KCNIP4: variants seen among roughly 807,000 people sequenced by gnomAD.
KCNIP4 encodes the protein Kv channel-interacting protein 4.
A neutral mutation model predicts 34.0 loss-of-function variants in KCNIP4; 12 were observed. The ratio of observed to expected loss-of-function variants is 0.35; its 90% CI spans 0.23 to 0.57. KCNIP4 has a LOEUF of 0.57. Among genes scored for constraint, KCNIP4 ranks in the 20% least tolerant of loss-of-function variants. KCNIP4 has a pLI of 0.83. For synonymous variants in KCNIP4, 124 were observed against 102.2 expected, an observed-to-expected ratio of 1.21 and a Z score of -1.29; for missense variants, 238 against 311.7, an observed-to-expected ratio of 0.76 and a Z score of 1.78.
At chr4:20,858,093 C>G (rs1419788699) in intron 2 of KCNIP4, among the ~76,000 whole-genome samples, 1 of 151,464 alleles carries the variant, frequency 6.6e-6, no homozygotes, top group East Asian at 1.9e-4. Flanking sequence ...TGCCTGTAAT[C>G]CCAGCTACTC....
intron 1 of KCNIP4, among the ~76,000 whole-genome samples, chr4:20,972,493 A>G (rs1399435525): frequency 6.6e-6 from 1 of 152,124 alleles, no homozygotes; most frequent in Non-Finnish European, 1.5e-5. Context: ...GTGCATTGTC[A>G]CTGAGAACTA....
At chr4:21,730,537 G>T (rs921016453) in intron 1 of KCNIP4, among the ~76,000 whole-genome samples, 16 of 152,062 alleles carry the variant, frequency 1.1e-4, no homozygotes, top group Non-Finnish European at 1.8e-4. Flanking sequence ...TATATATTGG[G>T]GGTGAGGTCT....
chr4:21,918,671 T>C (rs2108992501), intron 1 of KCNIP4, among the ~76,000 whole-genome samples: 1 of 152,242 alleles, frequency 6.6e-6, no homozygotes, highest in East Asian at 1.9e-4. Context: ...GCGTTTTATT[T>C]GAAACAAATT....
At chr4:21,393,995 C>A (rs560429481) in intron 1 of KCNIP4, among the ~76,000 whole-genome samples, 1 of 152,262 alleles carries the variant, frequency 6.6e-6, no homozygotes, top group East Asian at 1.9e-4. Flanking sequence ...GGTTCAATCC[C>A]TACTTGCCTA....
chr4:21,503,893 C>T (rs1037459107), intron 1 of KCNIP4, among the ~76,000 whole-genome samples: 1 of 152,162 alleles, frequency 6.6e-6, no homozygotes, highest in Non-Finnish European at 1.5e-5. Flanking sequence ...CAGCTTTCAG[C>T]TTTTGATTTC....
intron 1 of KCNIP4, among the ~76,000 whole-genome samples, chr4:21,702,073 T>C (rs947948690): frequency 6.6e-6 from 1 of 152,112 alleles, no homozygotes; most frequent in Non-Finnish European, 1.5e-5. Flanking sequence ...ATAATAGATA[T>C]GTTGTTCAAT....
intron 1 of KCNIP4, among the ~76,000 whole-genome samples, chr4:21,772,134 G>C (rs897437879): frequency 2.7e-4 from 41 of 152,064 alleles, no homozygotes; most frequent in African/African-American, 8.2e-4. Flanking sequence ...TAACACGAAG[G>C]GATGTTGAAT....
At chr4:21,410,934 C>T (rs1724442410) in intron 1 of KCNIP4, among the ~76,000 whole-genome samples, 1 of 152,112 alleles carries the variant, frequency 6.6e-6, no homozygotes, top group African/African-American at 2.4e-5. Flanking sequence ...GGATGGCCCA[C>T]AGACAGACAA....
intron 1 of KCNIP4, among the ~76,000 whole-genome samples, chr4:21,652,963 G>A (rs1169234694): frequency 6.6e-6 from 1 of 152,154 alleles, no homozygotes; most frequent in Non-Finnish European, 1.5e-5. Context: ...GTTTCATTTT[G>A]CATGTGATAT....
At chr4:20,808,041 T>C (rs1863633) in intron 3 of KCNIP4, among the ~76,000 whole-genome samples, 4,612 of 152,256 alleles carry the variant, frequency 0.03, 118 homozygotes, top group Middle Eastern at 0.048. Flanking sequence ...TCATTTCTAT[T>C]AATCTGACTC....
At chr4:21,198,385 T>C (rs892165648) in intron 1 of KCNIP4, among the ~76,000 whole-genome samples, 1 of 152,132 alleles carries the variant, frequency 6.6e-6, no homozygotes, top group South Asian at 2.1e-4. Flanking sequence ...AAAGGGGAAT[T>C]TGGAAAATGA....
intron 3 of KCNIP4, among the ~76,000 whole-genome samples, chr4:20,816,918 T>C (rs1345282320): frequency 6.6e-6 from 1 of 152,210 alleles, no homozygotes; most frequent in East Asian, 1.9e-4. Flanking sequence ...GGCAGTGGAT[T>C]GTCTAAATAC....
intron 1 of KCNIP4, among the ~76,000 whole-genome samples, chr4:21,120,095 T>TG (rs763494847): frequency 1.6e-4 from 24 of 152,154 alleles, no homozygotes; most frequent in Non-Finnish European, 2.6e-4. Flanking sequence ...CAGGTCAACG[T>TG]GGGGGAGGGT....
intron 3 of KCNIP4, among the ~76,000 whole-genome samples, chr4:20,759,750 A>AT (rs1192656640): frequency 2.0e-5 from 3 of 152,148 alleles, no homozygotes; most frequent in Admixed American, 6.6e-5. Flanking sequence ...AAATTCCTCC[A>AT]TTTTTTGGAG....
At chr4:20,908,977 T>C (rs925010930) in intron 1 of KCNIP4, among the ~76,000 whole-genome samples, 4 of 152,192 alleles carry the variant, frequency 2.6e-5, no homozygotes, top group South Asian at 2.1e-4. Flanking sequence ...ACTGTGACAA[T>C]TGGCAAATGG....
intron 1 of KCNIP4, among the ~76,000 whole-genome samples, chr4:21,539,702 C>T (rs577373957): frequency 1.3e-5 from 2 of 151,924 alleles, no homozygotes; most frequent in African/African-American, 2.4e-5. Context: ...TTTGTGAGGC[C>T]GGGCACAGTG....
chr4:21,346,370 C>T (rs959012974), intron 1 of KCNIP4, among the ~76,000 whole-genome samples: 4 of 140,526 alleles, frequency 2.8e-5, no homozygotes, highest in Admixed American at 8.1e-5. Context: ...GAATAAAGAG[C>T]CTTTTTTCTA....
intron 1 of KCNIP4, among the ~76,000 whole-genome samples, chr4:21,362,426 T>G (rs754798724): frequency 2.2e-4 from 34 of 152,196 alleles, no homozygotes; most frequent in Non-Finnish European, 4.6e-4. Flanking sequence ...TCATTAATTT[T>G]GCAAAACTAG....
intron 3 of KCNIP4, among the ~76,000 whole-genome samples, chr4:20,806,821 A>G (rs1028358059): frequency 3.9e-5 from 6 of 152,134 alleles, no homozygotes; most frequent in Admixed American, 3.3e-4. Flanking sequence ...AAGCAGCAGA[A>G]CTGGGTTTTG....
Sources: gnomAD v4.1 joint callset for allele counts (sites outside exome capture counted in the v4.1 genomes callset) on GRCh38, gnomAD v4.1.1 for gene constraint, MANE v1.5 for transcripts, NCBI Gene and HGNC (gene_info 2026-07-23, HGNC 2026-07-21) for gene names.